LINGO2: variants seen among roughly 807,000 people sequenced by gnomAD.
The protein encoded by LINGO2 is leucine-rich repeat and immunoglobulin-like domain-containing nogo receptor-interacting protein 2.
LINGO2 carries 14 observed loss-of-function variants against 30.6 expected under a neutral mutation model. The ratio of observed to expected loss-of-function variants is 0.46; its 90% CI spans 0.30 to 0.72. The LOEUF (loss-of-function observed/expected upper bound fraction) is 0.72, where lower values mean the gene tolerates loss of function less well. Among genes scored for constraint, LINGO2 ranks in the 30% least tolerant of loss-of-function variants. The pLI, the probability that LINGO2 is intolerant of heterozygous loss-of-function variation, is 0.07. For synonymous variants in LINGO2, 317 were observed against 288.5 expected, an observed-to-expected ratio of 1.10 and a Z score of -1.00; for missense variants, 729 against 751.7, an observed-to-expected ratio of 0.97 and a Z score of 0.35.
At chr9:28,634,788 C>T (rs1426767375) in intron 1 of LINGO2, among the ~76,000 whole-genome samples, 3 of 152,090 alleles carry the variant, frequency 2.0e-5, no homozygotes, top group Admixed American at 6.6e-5. Context: ...ACCCGGCCTC[C>T]CTACTTTCAA....
At chr9:28,724,146 C>T in the LINGO2 span, among the ~76,000 whole-genome samples, 3 of 152,070 alleles carry the variant, frequency 2.0e-5, no homozygotes, top group Non-Finnish European at 1.5e-5. Context: ...GACACTGGGC[C>T]TCAACTTTCC....
the LINGO2 span, among the ~76,000 whole-genome samples, chr9:29,167,752 A>C: frequency 6.6e-6 from 1 of 152,186 alleles, no homozygotes; most frequent in Non-Finnish European, 1.5e-5. Context: ...TTTGTATAAA[A>C]ATGAAAATCT....
chr9:28,246,465 T>C (rs968432660), intron 4 of LINGO2, among the ~76,000 whole-genome samples: 2 of 152,000 alleles, frequency 1.3e-5, no homozygotes, highest in African/African-American at 4.8e-5. Context: ...TACAACCATC[T>C]GATCTTAAAC....
At chr9:28,056,001 AAAAG>A (rs1480967102) in intron 4 of LINGO2, among the ~76,000 whole-genome samples, 2 of 152,216 alleles carry the variant, frequency 1.3e-5, no homozygotes, top group African/African-American at 2.4e-5. Flanking sequence ...TTATGAGACG[AAAAG>A]AAAGAACATA....
intron 1 of LINGO2, among the ~76,000 whole-genome samples, chr9:28,603,607 A>G (rs1195913275): frequency 1.3e-5 from 2 of 152,078 alleles, no homozygotes; most frequent in African/African-American, 2.4e-5. Flanking sequence ...GCACCTGATT[A>G]TAAATCTTGC....
At chr9:29,097,216 A>G in the LINGO2 span, among the ~76,000 whole-genome samples, 4 of 139,018 alleles carry the variant, frequency 2.9e-5, 2 homozygotes, top group Admixed American at 2.9e-4. Context: ...TAAACATCAT[A>G]AAGCAATCTC....
chr9:28,525,571 C>T (rs1365449420), intron 1 of LINGO2, among the ~76,000 whole-genome samples: 1 of 151,974 alleles, frequency 6.6e-6, no homozygotes, highest in Non-Finnish European at 1.5e-5. Flanking sequence ...CACAAAAGAC[C>T]ACATATTGCA....
At chr9:28,892,147 T>G in the LINGO2 span, among the ~76,000 whole-genome samples, 1 of 151,946 alleles carries the variant, frequency 6.6e-6, no homozygotes, top group African/African-American at 2.4e-5. Context: ...AATTTTAAAA[T>G]TTTCACTCCA....
chr9:28,012,458 T>TAG (rs1325624660), intron 4 of LINGO2: 1 of 152,128 alleles, frequency 6.6e-6, no homozygotes, highest in Non-Finnish European at 1.5e-5. Flanking sequence ...TTCTAGGTTC[T>TAG]AACCTTCTCT....
the LINGO2 span, among the ~76,000 whole-genome samples, chr9:29,140,358 A>G: frequency 6.6e-6 from 1 of 152,108 alleles, no homozygotes; most frequent in African/African-American, 2.4e-5. Context: ...AATATTAAAA[A>G]GAACAAAATT....
chr9:28,491,673 CTG>C (rs1250367142), intron 1 of LINGO2, among the ~76,000 whole-genome samples: 1 of 152,128 alleles, frequency 6.6e-6, no homozygotes, highest in East Asian at 1.9e-4. Flanking sequence ...CTTAGGCACA[CTG>C]TGATATATCA....
the LINGO2 span, among the ~76,000 whole-genome samples, chr9:29,195,263 A>C: frequency 2.0e-5 from 3 of 151,904 alleles, no homozygotes; most frequent in African/African-American, 7.3e-5. Context: ...TTAACCAGTC[A>C]CCTAATAGAG....
In LINGO2 at chr9:28,023,960, C is replaced by T. The variant is rs150244303; in HGVS notation, c.-86-11555G>A. On this transcript the variant is annotated intron_variant, in intron 4 of 5. Coordinates refer to ENST00000379992, the Ensembl canonical transcript of LINGO2. Reference sequence around the variant, plus strand: ...TTCCAGTAGCATCTGTCCAGGGAAGCGAATTTCATTTTTGCGTCTCTGGAT... The same window carrying T: ...TTCCAGTAGCATCTGTCCAGGGAAGTGAATTTCATTTTTGCGTCTCTGGAT... Among the ~76,000 whole-genome samples, 161 of 152,244 alleles carry T rather than the reference C, an allele frequency of 1.1e-3. 1 individual carries two copies. The highest frequency in any genetic ancestry group is 3.8e-3 in the African/African-American group (157 of 41,546).
chr9:28,240,696 G>T (rs1174408274), intron 4 of LINGO2, among the ~76,000 whole-genome samples: 1 of 152,088 alleles, frequency 6.6e-6, no homozygotes, highest in Non-Finnish European at 1.5e-5. Flanking sequence ...ACTAGTAAAA[G>T]AAAACCTTGG....
At chr9:28,645,435 C>T (rs1280353985) in intron 1 of LINGO2, among the ~76,000 whole-genome samples, 1 of 152,086 alleles carries the variant, frequency 6.6e-6, no homozygotes. Context: ...AAAACAAAGT[C>T]CACCTGCGGA....
chr9:27,978,820 C>G (rs1289201955), intron 5 of LINGO2, among the ~76,000 whole-genome samples: 1 of 151,980 alleles, frequency 6.6e-6, no homozygotes, highest in Non-Finnish European at 1.5e-5. Flanking sequence ...TTTACTACAG[C>G]TAATGTTGCA....
intron 1 of LINGO2, among the ~76,000 whole-genome samples, chr9:28,602,823 A>T (rs933293483): frequency 6.6e-6 from 1 of 152,092 alleles, no homozygotes; most frequent in Non-Finnish European, 1.5e-5. Flanking sequence ...GTGACTGTAC[A>T]TCTGTGTCAC....
At chr9:28,348,251 T>A (rs542893704) in intron 3 of LINGO2, among the ~76,000 whole-genome samples, 1 of 152,202 alleles carries the variant, frequency 6.6e-6, no homozygotes, top group South Asian at 2.1e-4. Context: ...TTCATCTCAC[T>A]AGGGAGTGCC....
the LINGO2 span, among the ~76,000 whole-genome samples, chr9:29,108,795 C>G: frequency 1.3e-5 from 2 of 152,194 alleles, no homozygotes; most frequent in East Asian, 3.9e-4. Flanking sequence ...AAGTGGGCAC[C>G]AACACTGTGT....
Sources: gnomAD v4.1 joint callset for allele counts (sites outside exome capture counted in the v4.1 genomes callset) on GRCh38, gnomAD v4.1.1 for gene constraint, MANE v1.5 for transcripts, NCBI Gene and HGNC (gene_info 2026-07-23, HGNC 2026-07-21) for gene names.